The following PRKN variants were observed in gnomAD, a reference collection of about 807,000 sequenced individuals.
PRKN encodes E3 ubiquitin-protein ligase parkin.
A neutral mutation model predicts 59.5 loss-of-function variants in PRKN; 56 were observed. The observed-to-expected ratio is 0.94, with a 90% CI of 0.76 to 1.18. The LOEUF is 1.18. PRKN is among the 50% of genes most tolerant of loss of function. PRKN has a pLI of 0.00. For synonymous variants in PRKN, 250 were observed against 222.1 expected, an observed-to-expected ratio of 1.13 and a Z score of -1.12; for missense variants, 657 against 596.4, an observed-to-expected ratio of 1.10 and a Z score of -1.06.
In PRKN at chr6:161,770,452, C is replaced by CTTTATTTATTTA. The variant is rs36204395; in HGVS notation, c.871+15308_871+15319dup. ...ATGTGACTCTATTTGGCAATAGAGC[C>CTTTATTTATTTA]TTTATTTATTTATTTATTTATTTAT... On this transcript the variant is annotated intron_variant, in intron 7 of 11. Transcript: ENST00000366898. Among the ~76,000 whole-genome samples the CTTTATTTATTTA allele has an allele frequency of 4.0e-4, 61 of 151,026 alleles. 1 individual carries two copies. Among genetic ancestry groups the CTTTATTTATTTA allele is most frequent in the African/African-American group, 1.4e-3 (59 of 41,020 alleles).
At chr6:162,087,958 G>T (rs75042028) in intron 4 of PRKN, among the ~76,000 whole-genome samples, 9 of 152,102 alleles carry the variant, frequency 5.9e-5, no homozygotes, top group Admixed American at 2.0e-4. Flanking sequence ...CTTCCTAAAC[G>T]CAGGAGCACT....
chr6:162,140,913 C>T (rs530210055), intron 4 of PRKN, among the ~76,000 whole-genome samples: 2 of 152,052 alleles, frequency 1.3e-5, no homozygotes, highest in African/African-American at 2.4e-5. Context: ...CAGATCACAA[C>T]ATCAGGAGAT....
At chr6:162,329,240 A>G (rs1783460024) in intron 2 of PRKN, among the ~76,000 whole-genome samples, 1 of 152,106 alleles carries the variant, frequency 6.6e-6, no homozygotes, top group Non-Finnish European at 1.5e-5. Context: ...ATGAGGACGG[A>G]AGAGCGGGTG....
intron 1 of PRKN, among the ~76,000 whole-genome samples, chr6:162,451,969 A>T (rs1321811983): frequency 6.6e-6 from 1 of 152,186 alleles, no homozygotes; most frequent in Non-Finnish European, 1.5e-5. Flanking sequence ...GCCAAAGACA[A>T]GGAACAAGCT....
At position 161,391,689 on chromosome 6, in the gene PRKN, T is replaced by A. The variant is rs148595059; in HGVS notation, c.1084-4812A>T. Among the ~76,000 whole-genome samples, 4 of 152,206 alleles carry A rather than the reference T, an allele frequency of 2.6e-5. No individual in the cohort carries two copies. In the East Asian group the frequency reaches 7.7e-4, roughly 29 times the overall value. On this transcript the variant is annotated intron_variant, in intron 9 of 11. Transcript: ENST00000366898. The surrounding 1 kb of genome is among the most constrained non-coding windows in gnomAD (Gnocchi z 4.9). ...TTGTAGATGTGACTAGGATCTATAA[T>A]CAGTTTATTTTAAGTAAGAGAGATT...
intron 5 of PRKN, among the ~76,000 whole-genome samples, chr6:162,045,080 G>C (rs903188263): frequency 6.6e-6 from 1 of 152,194 alleles, no homozygotes; most frequent in Non-Finnish European, 1.5e-5. Flanking sequence ...TGGCACAGAA[G>C]AGATGCTTGG....
chr6:162,240,842 G>A (rs916221477), intron 3 of PRKN, among the ~76,000 whole-genome samples: 25 of 152,174 alleles, frequency 1.6e-4, no homozygotes, highest in Admixed American at 6.5e-5. Flanking sequence ...CACATTTGGA[G>A]GCCTCTTTTT....
intron 7 of PRKN, among the ~76,000 whole-genome samples, chr6:161,630,055 C>T (rs1323039540): frequency 6.6e-6 from 1 of 152,186 alleles, no homozygotes; most frequent in African/African-American, 2.4e-5. Flanking sequence ...ATTGTGCTTA[C>T]ACACCCACGG....
At position 161,502,316 on chromosome 6, in the gene PRKN, A is replaced by G. The variant is rs549539057; in HGVS notation, c.1083+46538T>C. ...AGACGCTGTCAACCAAGCCAATAACAATATTTTCTCTAAGCTCATGAACAA... is the reference window on the plus strand; with the variant it reads ...AGACGCTGTCAACCAAGCCAATAACGATATTTTCTCTAAGCTCATGAACAA... On this transcript the variant is annotated intron_variant, in intron 9 of 11. Coordinates refer to ENST00000366898, the MANE Select transcript of PRKN (RefSeq NM_004562.3). The surrounding 1 kb of genome is among the most constrained non-coding windows in gnomAD (Gnocchi z 4.0). Among the ~76,000 whole-genome samples, 14 of 152,298 alleles carry G rather than the reference A, an allele frequency of 9.2e-5. No individual in the cohort carries two copies. The highest frequency in any genetic ancestry group is 3.4e-4 in the African/African-American group (14 of 41,572).
intron 7 of PRKN, among the ~76,000 whole-genome samples, chr6:161,601,862 A>T (rs896394809): frequency 6.6e-6 from 1 of 152,170 alleles, no homozygotes; most frequent in Non-Finnish European, 1.5e-5. Context: ...GATTACAGGC[A>T]TGAGCCACCG....
intron 4 of PRKN, among the ~76,000 whole-genome samples, chr6:162,180,348 T>C (rs1461467079): frequency 6.6e-6 from 1 of 152,172 alleles, no homozygotes; most frequent in African/African-American, 2.4e-5. Flanking sequence ...GATACCTCAT[T>C]CTGCATCCTG....
chr6:162,022,534 T>G (rs886291877), intron 5 of PRKN, among the ~76,000 whole-genome samples: 2 of 152,146 alleles, frequency 1.3e-5, no homozygotes, highest in African/African-American at 4.8e-5. Flanking sequence ...TTATTGTTGT[T>G]GTTGTTGATT....
chr6:162,471,219 T>G (rs555120915), intron 1 of PRKN, among the ~76,000 whole-genome samples: 3 of 152,142 alleles, frequency 2.0e-5, no homozygotes, highest in Non-Finnish European at 4.4e-5. Flanking sequence ...TGCCTCAGCC[T>G]CCTGAGTAGC....
chr6:161,785,724 C>T, intron 7 of PRKN, 48 bp downstream of exon 7: 2 of 1,589,850 alleles, frequency 1.3e-6, no homozygotes, highest in East Asian at 2.2e-5. Context: ...AATTGTTCTT[C>T]TGTTCTTCAT....
rs545708805 is a variant in PRKN, at chr6:162,196,856, GA to G, written c.534+4274del. Among the ~76,000 whole-genome samples, 159 of 152,106 alleles carry G rather than the reference GA, an allele frequency of 1.0e-3. 1 individual carries two copies. Among genetic ancestry groups the G allele is most frequent in the Admixed American group, 8.4e-3 (128 of 15,256 alleles). ...CATGTAAATTTTAAATAGCATTCAGGAAATGTTAGAATTAAGAACAAATCAC... is the reference window on the plus strand; with the variant it reads ...CATGTAAATTTTAAATAGCATTCAGGAATGTTAGAATTAAGAACAAATCAC... On this transcript the variant is annotated intron_variant, in intron 4 of 11. Transcript: ENST00000366898.
At chr6:162,076,078 C>T (rs999278347) in intron 4 of PRKN, among the ~76,000 whole-genome samples, 3 of 150,772 alleles carry the variant, frequency 2.0e-5, no homozygotes, top group Non-Finnish European at 4.4e-5. Context: ...AAGTGATTCT[C>T]CTGCCTCAAC....
chr6:161,630,900 C>G (rs768471070), intron 7 of PRKN, among the ~76,000 whole-genome samples: 1 of 152,200 alleles, frequency 6.6e-6, no homozygotes, highest in African/African-American at 2.4e-5. Flanking sequence ...AATACAAAAA[C>G]GGTTTTCTTC....
chr6:162,391,380 C>T (rs936698032), intron 2 of PRKN, among the ~76,000 whole-genome samples: 18 of 151,606 alleles, frequency 1.2e-4, no homozygotes, highest in Non-Finnish European at 8.8e-5. Context: ...TCTTACTGCG[C>T]ATGCTTGACG....
intron 1 of PRKN, among the ~76,000 whole-genome samples, chr6:162,541,030 A>T (rs1778906498): frequency 1.3e-5 from 2 of 152,160 alleles, no homozygotes; most frequent in Admixed American, 6.5e-5. Context: ...AGAGGTGAGG[A>T]TTCAGAAATC....
Sources: gnomAD v4.1 joint callset for allele counts (sites outside exome capture counted in the v4.1 genomes callset) on GRCh38, gnomAD v4.1.1 for gene constraint, Gnocchi (gnomAD v3.1) non-coding constraint, MANE v1.5 for transcripts, NCBI Gene and HGNC (gene_info 2026-07-23, HGNC 2026-07-21) for gene names.